The following GFRAL variants were observed in gnomAD, a reference collection of about 807,000 sequenced individuals.
The protein encoded by GFRAL is GDNF family receptor alpha-like.
A neutral mutation model predicts 45.4 loss-of-function variants in GFRAL; 36 were observed. That is an observed-to-expected ratio of 0.79 (90% CI 0.61 to 1.05). GFRAL has a LOEUF of 1.05. GFRAL is among the 50% of genes least tolerant of loss of function. GFRAL has a pLI of 0.00. For synonymous variants in GFRAL, 166 were observed against 154.1 expected, an observed-to-expected ratio of 1.08 and a Z score of -0.57; for missense variants, 507 against 467.5, an observed-to-expected ratio of 1.08 and a Z score of -0.78.
chr6:55,332,716 C>T (rs972179158), intron 2 of GFRAL, among the ~76,000 whole-genome samples: 12 of 151,940 alleles, frequency 7.9e-5, no homozygotes, highest in Non-Finnish European at 2.9e-5. Context: ...ACCACCGTGC[C>T]TGGCCTATAT....
At chr6:55,365,840 G>T (rs2127359185) in intron 6 of GFRAL, among the ~76,000 whole-genome samples, 1 of 149,642 alleles carries the variant, frequency 6.7e-6, no homozygotes, top group East Asian at 1.9e-4. Context: ...GATTCATTTT[G>T]CCAGTATTTT....
Position 55,401,989 on chromosome 6 carries a change from T to A in GFRAL, c.*136T>A. ...CTGTTTCTTTTTCTTTTTCTTTTCTTTTTTGTGGCGGAGTTTTGCTCTTGT... is the reference window on the plus strand; with the variant it reads ...CTGTTTCTTTTTCTTTTTCTTTTCTATTTTGTGGCGGAGTTTTGCTCTTGT... On this transcript the variant is annotated 3_prime_UTR_variant, in exon 9 of 9. Coordinates refer to ENST00000340465, the MANE Select transcript of GFRAL (RefSeq NM_207410.2). The A allele has an allele frequency of 1.7e-6, 1 of 583,632 alleles. No individual in the cohort carries two copies. Among genetic ancestry groups the A allele is most frequent in the East Asian group, 3.1e-5 (1 of 32,138 alleles). 36.2% of individuals were successfully genotyped at this position (583,632 alleles called of 1,614,324 possible).
At chr6:55,390,263 G>A (rs998066412) in intron 6 of GFRAL, among the ~76,000 whole-genome samples, 2 of 152,110 alleles carry the variant, frequency 1.3e-5, no homozygotes, top group Non-Finnish European at 2.9e-5. Flanking sequence ...TTTCATTAGT[G>A]GTATATTATA....
chr6:55,373,779 C>A (rs934602325), intron 6 of GFRAL, among the ~76,000 whole-genome samples: 1 of 151,468 alleles, frequency 6.6e-6, no homozygotes, highest in Non-Finnish European at 1.5e-5. Flanking sequence ...GATACATGTG[C>A]AGGATATACG....
chr6:55,368,276 T>A (rs1387635281), intron 6 of GFRAL, among the ~76,000 whole-genome samples: 1 of 151,310 alleles, frequency 6.6e-6, no homozygotes, highest in African/African-American at 2.4e-5. Flanking sequence ...TTCTCGAGCC[T>A]TGGTTTTCAG....
At chr6:55,332,549 G>C (rs1256320357) in intron 2 of GFRAL, among the ~76,000 whole-genome samples, 1 of 151,884 alleles carries the variant, frequency 6.6e-6, no homozygotes, top group Non-Finnish European at 1.5e-5. Context: ...TCAGCCTCCA[G>C]AGTAGCTGGG....
intron 1 of GFRAL, 136 bp downstream of exon 1, chr6:55,327,712 A>T (rs930720734): frequency 1.3e-6 from 1 of 775,362 alleles, no homozygotes; most frequent in African/African-American, 1.8e-5. Context: ...ATGCTTTAAC[A>T]TGGTTTATTC....
chr6:55,399,525 C>A, intron 8 of GFRAL, 84 bp downstream of exon 8: 1 of 889,818 alleles, frequency 1.1e-6, no homozygotes, highest in Non-Finnish European at 1.9e-6. Context: ...GCTGAGCTTA[C>A]AAAGAGCCTG....
chr6:55,390,074 C>T (rs917509865), intron 6 of GFRAL, among the ~76,000 whole-genome samples: 8 of 152,182 alleles, frequency 5.3e-5, no homozygotes, highest in Non-Finnish European at 8.8e-5. Context: ...TTCCTATTTC[C>T]AAGGTGGGAA....
rs572628677 is a variant in GFRAL, at chr6:55,332,371, A to G, written c.157+522A>G. Among the ~76,000 whole-genome samples, 452 of 152,074 alleles carry G rather than the reference A, an allele frequency of 3.0e-3. 4 individuals are homozygous for G. The highest frequency in any genetic ancestry group is 0.011 in the African/African-American group (443 of 41,492). ...TTCCAAACATTTGTGGGGAGGTTCA[A>G]GAGTTGAGAATGTGAAGATTGGAGA... On this transcript the variant is annotated intron_variant, in intron 2 of 8. Transcript: ENST00000340465.
chr6:55,337,165 G>A (rs140204936), intron 3 of GFRAL, among the ~76,000 whole-genome samples: 124 of 151,926 alleles, frequency 8.2e-4, no homozygotes, highest in East Asian at 7.2e-3. Context: ...CTCCTCCCCC[G>A]TGTCCTGCCA....
intron 3 of GFRAL, among the ~76,000 whole-genome samples, chr6:55,345,610 A>T (rs1768030219): frequency 1.3e-5 from 2 of 152,214 alleles, no homozygotes; most frequent in African/African-American, 4.8e-5. Flanking sequence ...AACCTAGGCA[A>T]TACCATTCAG....
intron 3 of GFRAL, among the ~76,000 whole-genome samples, chr6:55,341,268 C>G (rs1157499731): frequency 6.6e-6 from 1 of 152,198 alleles, no homozygotes; most frequent in Admixed American, 6.5e-5. Flanking sequence ...CTGGGAGGCA[C>G]CCTCCAGTAG....
intron 6 of GFRAL, among the ~76,000 whole-genome samples, chr6:55,373,289 T>C (rs1177299160): frequency 1.3e-5 from 2 of 152,084 alleles, no homozygotes; most frequent in Admixed American, 6.6e-5. Flanking sequence ...ACCGTATTTT[T>C]CCACGGCCAT....
chr6:55,369,366 C>G (rs1344581019), intron 6 of GFRAL, among the ~76,000 whole-genome samples: 4 of 152,182 alleles, frequency 2.6e-5, no homozygotes, highest in African/African-American at 9.7e-5. Flanking sequence ...GAGATGAACC[C>G]GGTACCTCGG....
chr6:55,354,618 T>G (rs969780031), intron 5 of GFRAL, among the ~76,000 whole-genome samples: 2 of 151,984 alleles, frequency 1.3e-5, no homozygotes, highest in African/African-American at 4.8e-5. Flanking sequence ...ATCCTATCAT[T>G]TTCCTGAGCA....
intron 3 of GFRAL, among the ~76,000 whole-genome samples, chr6:55,341,146 G>A (rs1767959281): frequency 6.6e-6 from 1 of 152,174 alleles, no homozygotes; most frequent in African/African-American, 2.4e-5. Flanking sequence ...AGACTTAAAT[G>A]TCCCTGTTTG....
At chr6:55,336,449 T>C (rs1436970567) in intron 3 of GFRAL, among the ~76,000 whole-genome samples, 10 of 152,224 alleles carry the variant, frequency 6.6e-5, no homozygotes, top group African/African-American at 1.7e-4. Context: ...CAGTATATAG[T>C]TCTTGCACAA....
At chr6:55,394,079 A>G (rs2127366368) in intron 6 of GFRAL, among the ~76,000 whole-genome samples, 1 of 152,342 alleles carries the variant, frequency 6.6e-6, no homozygotes, top group Non-Finnish European at 1.5e-5. Context: ...GATTGAAAGA[A>G]GGGAAAAAAT....
Sources: allele counts gnomAD v4.1 joint callset (sites outside exome capture counted in the v4.1 genomes callset), GRCh38; gene constraint gnomAD v4.1.1; transcripts MANE v1.5; gene names NCBI Gene and HGNC (gene_info 2026-07-23, HGNC 2026-07-21).